The following TYR variants were observed in gnomAD, a reference collection of about 807,000 sequenced individuals.
The protein encoded by TYR is LB24-AB.
In TYR, 58 loss-of-function variants were observed where a neutral mutation model predicts 51.5. The observed-to-expected ratio is 1.13, with a 90% CI of 0.91 to 1.40. The LOEUF (loss-of-function observed/expected upper bound fraction) is 1.40, where lower values mean the gene tolerates loss of function less well. Among genes scored for constraint, TYR ranks in the 40% most tolerant of loss-of-function variants. The pLI is 0.00. For missense variants in TYR, 732 were observed against 647.4 expected, an observed-to-expected ratio of 1.13 and a Z score of -1.42; for synonymous variants, 263 against 235.2, an observed-to-expected ratio of 1.12 and a Z score of -1.08.
chr11:89,257,164 G>A (rs1410980788), intron 3 of TYR, among the ~76,000 whole-genome samples: 1 of 151,926 alleles, frequency 6.6e-6, no homozygotes, highest in Non-Finnish European at 1.5e-5. Flanking sequence ...ACTAGCAAAA[G>A]AGAAATGCAG....
intron 3 of TYR, among the ~76,000 whole-genome samples, chr11:89,280,482 T>C (rs1433015046): frequency 6.6e-6 from 1 of 151,602 alleles, no homozygotes; most frequent in Non-Finnish European, 1.5e-5. Flanking sequence ...TTTCTTTCAA[T>C]TTTTTCTTAG....
At chr11:89,288,028 A>G (rs968641956) in intron 4 of TYR, among the ~76,000 whole-genome samples, 2 of 152,002 alleles carry the variant, frequency 1.3e-5, no homozygotes, top group African/African-American at 4.8e-5. Flanking sequence ...CACTCATATA[A>G]TAACAAGAGG....
At position 89,233,863 on chromosome 11, in the gene TYR, T is replaced by A. The variant is rs888165660; in HGVS notation, c.1184+5893T>A. ...ACAAAGGCAGAGTAGATTTAGAGTA[T>A]TTCATAATGGGAGTTTCAGACCAGT... On this transcript the variant is annotated intron_variant, in intron 3 of 4. Transcript: ENST00000263321. Among the ~76,000 whole-genome samples, 3 of 105,258 alleles carry A rather than the reference T, an allele frequency of 2.9e-5. 1 individual carries two copies. The highest frequency in any genetic ancestry group is 5.3e-5 in the Non-Finnish European group (3 of 56,386). 69.1% of individuals were successfully genotyped at this position (105,258 alleles called of 152,430 possible).
chr11:89,189,962 C>T (rs1943420793), intron 1 of TYR, among the ~76,000 whole-genome samples: 1 of 152,052 alleles, frequency 6.6e-6, no homozygotes, highest in Non-Finnish European at 1.5e-5. Context: ...TTCCTGTCAC[C>T]CAGTGACATC....
At chr11:89,220,239 C>T (rs1286598374) in intron 2 of TYR, among the ~76,000 whole-genome samples, 1 of 152,124 alleles carries the variant, frequency 6.6e-6, no homozygotes, top group South Asian at 2.1e-4. Flanking sequence ...CTGAAACTTA[C>T]AATTATGGTA....
At chr11:89,287,776 G>C (rs1329115166) in intron 4 of TYR, among the ~76,000 whole-genome samples, 1 of 151,926 alleles carries the variant, frequency 6.6e-6, no homozygotes, top group African/African-American at 2.4e-5. Flanking sequence ...AAAAATTTTA[G>C]TAGTTGGAAA....
At chr11:89,203,629 G>A (rs2135263268) in intron 2 of TYR, among the ~76,000 whole-genome samples, 1 of 152,280 alleles carries the variant, frequency 6.6e-6, no homozygotes, top group Non-Finnish European at 1.5e-5. Context: ...AAGAAGCCAG[G>A]TCAGCTAGGA....
intron 3 of TYR, among the ~76,000 whole-genome samples, chr11:89,258,329 A>G (rs1012192211): frequency 6.6e-6 from 1 of 151,928 alleles, no homozygotes; most frequent in Non-Finnish European, 1.5e-5. Flanking sequence ...AAGAACAAAA[A>G]AGAAAATTGA....
intron 2 of TYR, among the ~76,000 whole-genome samples, chr11:89,211,055 T>A (rs1324975094): frequency 3.3e-5 from 5 of 152,146 alleles, no homozygotes; most frequent in Non-Finnish European, 7.3e-5. Flanking sequence ...CTGCATCAAT[T>A]AATGGGCAAA....
At chr11:89,278,500 T>C (rs1944683545) in intron 3 of TYR, among the ~76,000 whole-genome samples, 1 of 151,694 alleles carries the variant, frequency 6.6e-6, no homozygotes, top group Non-Finnish European at 1.5e-5. Context: ...TATGTAAGTT[T>C]TTTTTGTGTG....
chr11:89,277,254 G>GA (rs1239854197), intron 3 of TYR, among the ~76,000 whole-genome samples: 24 of 151,386 alleles, frequency 1.6e-4, no homozygotes, highest in Admixed American at 9.9e-4. Context: ...AATAATAAAA[G>GA]AAAAAAAATT....
At position 89,178,703 on chromosome 11, in the gene TYR, G is replaced by C. The variant is rs1419970240; in HGVS notation, c.750G>C (p.Glu250Asp). The change falls in exon 1 of 5, where the codon GAG becomes GAC. Residue 250 changes from glutamate (E) to aspartate (D), a missense_variant. By Grantham distance (45) the Glu-to-Asp change is conservative (BLOSUM62 2). Coordinates refer to ENST00000263321, the MANE Select transcript of TYR (RefSeq NM_000372.5). ...AAAAGTGTGACATTTGCACAGATGA[G>C]TACATGGGAGGTCAGCACCCCACAA... is the stretch of plus-strand genomic sequence containing the variant. ...DAEKCDICTD[E>D]YMGGQHPTNP... 5 of 1,614,086 alleles carry C rather than the reference G, an allele frequency of 3.1e-6. No homozygotes were observed. Among genetic ancestry groups the C allele is most frequent in the Non-Finnish European group, 4.2e-6 (5 of 1,179,992 alleles).
chr11:89,178,538 G>C lies in TYR; in HGVS notation c.585G>C (p.Trp195Cys), dbSNP rs147574809. ...MDALLGGSEI[W>C]RDIDFAHEAP... ...CACTGCTTGGGGGATCTGAAATCTGGAGAGACATTGATTTTGCCCATGAAG... is the reference window on the plus strand; with the variant it reads ...CACTGCTTGGGGGATCTGAAATCTGCAGAGACATTGATTTTGCCCATGAAG... Residue 195 changes from tryptophan to cysteine, a missense_variant, in exon 1 of 5, where the codon TGG (tryptophan) becomes TGC (cysteine). By Grantham distance (215) the Trp-to-Cys change is radical. Transcript: ENST00000263321. The C allele has an allele frequency of 6.2e-7, 1 of 1,614,160 alleles. No individual in the cohort carries two copies. The highest frequency in any genetic ancestry group is 1.3e-5 in the African/African-American group (1 of 75,046).
chr11:89,281,932 A>AC (rs1245927422), intron 3 of TYR, among the ~76,000 whole-genome samples: 6 of 151,626 alleles, frequency 4.0e-5, no homozygotes, highest in Non-Finnish European at 4.4e-5. Flanking sequence ...AAAGATGACT[A>AC]CCCCCTCCTC....
At chr11:89,198,131 C>G (rs146686495) in intron 2 of TYR, among the ~76,000 whole-genome samples, 9 of 151,884 alleles carry the variant, frequency 5.9e-5, no homozygotes, top group African/African-American at 1.7e-4. Flanking sequence ...CAGAGAAAAG[C>G]CAGCTGGAAA....
intron 2 of TYR, among the ~76,000 whole-genome samples, chr11:89,212,180 AATAG>A (rs1288172758): frequency 1.3e-5 from 2 of 152,300 alleles, no homozygotes; most frequent in African/African-American, 2.4e-5. Flanking sequence ...AGATCAACAA[AATAG>A]ATAGAACATT....
At chr11:89,267,013 A>G (rs539805147) in intron 3 of TYR, among the ~76,000 whole-genome samples, 2 of 152,054 alleles carry the variant, frequency 1.3e-5, no homozygotes, top group African/African-American at 4.8e-5. Context: ...AAGGAGTTCT[A>G]TATCTGTACA....
intron 1 of TYR, among the ~76,000 whole-genome samples, chr11:89,187,046 G>A (rs1943383766): frequency 6.6e-6 from 1 of 152,144 alleles, no homozygotes; most frequent in Admixed American, 6.6e-5. Context: ...CCAGTCTGTA[G>A]TATTTTCTTA....
intron 3 of TYR, among the ~76,000 whole-genome samples, chr11:89,266,346 A>T (rs1413245483): frequency 6.6e-6 from 1 of 152,002 alleles, no homozygotes; most frequent in Non-Finnish European, 1.5e-5. Context: ...GAGTTCATAG[A>T]TAATTCATAG....
Sources: gnomAD v4.1 joint callset for allele counts (sites outside exome capture counted in the v4.1 genomes callset) on GRCh38, gnomAD v4.1.1 for gene constraint, MANE v1.5 for transcripts, NCBI Gene and HGNC (gene_info 2026-07-23, HGNC 2026-07-21) for gene names.